Variants in FLACC1 observed in about 807,000 individuals in gnomAD.
FLACC1 encodes the protein flagellum associated containing coiled-coil domains 1.
Under a neutral mutation model 62.8 loss-of-function variants are expected in FLACC1, and 66 were observed. That is an observed-to-expected ratio of 1.05 (90% CI 0.86 to 1.29). The LOEUF is 1.29. Among genes scored for constraint, FLACC1 ranks in the 50% most tolerant of loss-of-function variants. The pLI is 0.00. For missense variants in FLACC1, 452 were observed against 489.1 expected, an observed-to-expected ratio of 0.92 and a Z score of 0.71; for synonymous variants, 156 against 161.0, an observed-to-expected ratio of 0.97 and a Z score of 0.24.
intron 9 of FLACC1, among the ~76,000 whole-genome samples, chr2:201,320,180 C>G (rs1206545934): frequency 2.0e-5 from 3 of 152,206 alleles, no homozygotes; most frequent in Non-Finnish European, 4.4e-5. Context: ...CACGGGGAAC[C>G]CTGTGGAGGA....
intron 3 of FLACC1, among the ~76,000 whole-genome samples, chr2:201,349,329 T>C (rs763450276): frequency 1.1e-4 from 16 of 152,226 alleles, no homozygotes; most frequent in East Asian, 1.9e-4. Flanking sequence ...CCAGGCATCA[T>C]TGAGGCTCCT....
rs375411524 is a variant in FLACC1 at position 201,351,415 on chromosome 2, C to T, written c.-11G>A. 6.3e-7 allele frequency: 1 copy of T among 1,595,960 alleles called. No individual in the cohort carries two copies. The highest frequency in any genetic ancestry group is 1.1e-5 in the South Asian group (1 of 90,632). ...AGGGTTGGGGTACATGGCCAAAGGT[C>T]AGGGGGAGTCTTGGCTGCTAGATCA... On this transcript the variant is annotated 5_prime_UTR_variant, in exon 2 of 15. Coordinates refer to ENST00000392257, the MANE Select transcript of FLACC1 (RefSeq NM_001127391.3).
At chr2:201,293,168 A>G (rs1162850015) in intron 12 of FLACC1, among the ~76,000 whole-genome samples, 12 of 152,322 alleles carry the variant, frequency 7.9e-5, no homozygotes, top group East Asian at 3.9e-4. Flanking sequence ...TGCACCAAGC[A>G]GACCTAATAG....
rs945414176 is a variant in FLACC1, at chr2:201,289,504, C to T, written c.1095G>A (p.Lys365=). The T allele has an allele frequency of 8.1e-6, 13 of 1,614,102 alleles. No individual in the cohort carries two copies. Among genetic ancestry groups the T allele is most frequent in the East Asian group, 6.7e-5 (3 of 44,902 alleles). Residue 365 remains lysine, a synonymous_variant, in exon 14 of 15, where the codon AAG becomes AAA. Coordinates refer to ENST00000392257, the MANE Select transcript of FLACC1 (RefSeq NM_001127391.3). ...LQTKFAETEE[K]YKHTIQILTE... ...TCAGGATCTGTATGGTGTGCTTATA[C>T]TTTTCTTCAGTTTCAGCAAACTTGG... is the stretch of plus-strand genomic sequence containing the variant.
At chr2:201,334,601 T>C (rs12619743) in intron 7 of FLACC1, among the ~76,000 whole-genome samples, 72,637 of 151,558 alleles carry the variant, frequency 0.48, 17,933 homozygotes, top group South Asian at 0.73. Flanking sequence ...CTGAGCAACA[T>C]GGAGAAACCC....
upstream of FLACC1, among the ~76,000 whole-genome samples, chr2:201,360,632 C>T (rs1310043689): frequency 6.6e-6 from 1 of 152,186 alleles, no homozygotes; most frequent in Admixed American, 6.5e-5. Context: ...ATGGATCATC[C>T]TGAATAGACC....
At chr2:201,293,918 C>T (rs1473234685) in intron 12 of FLACC1, among the ~76,000 whole-genome samples, 2 of 152,100 alleles carry the variant, frequency 1.3e-5, no homozygotes, top group Admixed American at 1.3e-4. Flanking sequence ...ACTAGAAAAT[C>T]TAGAAGAAAT....
At chr2:201,335,492 G>A (rs894514265) in intron 7 of FLACC1, among the ~76,000 whole-genome samples, 5 of 151,922 alleles carry the variant, frequency 3.3e-5, no homozygotes, top group Non-Finnish European at 5.9e-5. Context: ...GTTGGCTATG[G>A]GTGTATAAAT....
Position 201,327,917 on chromosome 2 carries a change from G to A in FLACC1, c.675+2553C>T, listed in dbSNP as rs552378672. ...AGATGTGGAACCAACCTAAGTGCCC[G>A]TTGACTAATGAGTGGATAAATAAAA... On this transcript the variant is annotated intron_variant, in intron 9 of 14. Transcript: ENST00000392257. 1.1e-3 allele frequency among the ~76,000 whole-genome samples: 169 copies of A among 151,722 alleles called. 1 individual carries two copies. Among genetic ancestry groups the A allele is most frequent in the African/African-American group, 3.9e-3 (160 of 41,344 alleles).
At chr2:201,344,386 A>C in intron 5 of FLACC1, 123 bp from the exon 6 acceptor site, 1 of 755,440 alleles carries the variant, frequency 1.3e-6, no homozygotes, top group East Asian at 2.6e-5. Flanking sequence ...CATGTTCTGC[A>C]CCTGCTCTAT....
chr2:201,307,879 A>G (rs1267005017), intron 10 of FLACC1, among the ~76,000 whole-genome samples: 1 of 152,136 alleles, frequency 6.6e-6, no homozygotes, highest in East Asian at 1.9e-4. Context: ...TTTATTTTGA[A>G]TCTGTTGCTT....
At chr2:201,363,509 T>C in the FLACC1 span, among the ~76,000 whole-genome samples, 1 of 151,808 alleles carries the variant, frequency 6.6e-6, no homozygotes, top group East Asian at 2.0e-4. Flanking sequence ...TTCCAAGACA[T>C]AGATCATGGT....
chr2:201,304,433 G>A (rs1465481820), intron 11 of FLACC1, among the ~76,000 whole-genome samples: 1 of 152,254 alleles, frequency 6.6e-6, no homozygotes, highest in Admixed American at 6.5e-5. Context: ...AATAAAAGAG[G>A]ATGCAAACAA....
intron 10 of FLACC1, 136 bp downstream of exon 10, chr2:201,309,015 A>G: frequency 1.4e-6 from 1 of 715,374 alleles, no homozygotes; most frequent in Non-Finnish European, 2.4e-6. Context: ...AACTCTGGGC[A>G]CCTTCCATTC....
chr2:201,312,308 C>T (rs1408347520), intron 9 of FLACC1, among the ~76,000 whole-genome samples: 1 of 152,114 alleles, frequency 6.6e-6, no homozygotes, highest in East Asian at 1.9e-4. Flanking sequence ...AGAGCCAAAT[C>T]AATAACGTAA....
At chr2:201,306,998 G>A (rs2125559737) in intron 11 of FLACC1, among the ~76,000 whole-genome samples, 1 of 152,228 alleles carries the variant, frequency 6.6e-6, no homozygotes, top group South Asian at 2.1e-4. Context: ...CATGCCCACT[G>A]GAATGGCCAA....
intron 12 of FLACC1, among the ~76,000 whole-genome samples, chr2:201,295,457 T>C (rs1487353386): frequency 2.0e-5 from 3 of 152,174 alleles, no homozygotes; most frequent in Non-Finnish European, 4.4e-5. Flanking sequence ...TGGCTAGTCA[T>C]ATGTAGAAAG....
At chr2:201,292,202 G>A (rs13012747) in intron 12 of FLACC1, among the ~76,000 whole-genome samples, 51,093 of 151,960 alleles carry the variant, frequency 0.34, 10,119 homozygotes, top group East Asian at 0.48. Flanking sequence ...CTCGAGAAGA[G>A]CAACTCCAAG....
intron 7 of FLACC1, 55 bp downstream of exon 7, chr2:201,342,315 A>G: frequency 6.3e-7 from 1 of 1,579,066 alleles, no homozygotes; most frequent in Non-Finnish European, 8.7e-7. Flanking sequence ...CCTGCAAAGG[A>G]TGCGGGACCC....
Sources: gnomAD v4.1 joint callset for allele counts (sites outside exome capture counted in the v4.1 genomes callset) on GRCh38, gnomAD v4.1.1 for gene constraint, MANE v1.5 for transcripts, NCBI Gene and HGNC (gene_info 2026-07-23, HGNC 2026-07-21) for gene names.